Variants in LYPLAL1 observed in about 807,000 individuals in gnomAD.
LYPLAL1 encodes lysophospholipase like 1.
A neutral mutation model predicts 19.7 loss-of-function variants in LYPLAL1; 23 were observed. That is an observed-to-expected ratio of 1.17 (90% confidence interval 0.84 to 1.65). LYPLAL1 has a LOEUF of 1.65. Ranked by LOEUF, LYPLAL1 falls within the 40% of genes most tolerant of loss-of-function variation. The probability of loss-of-function intolerance (pLI) is 0.00; values close to 1 mark genes in which losing one functional copy is unlikely to be tolerated. For missense variants in LYPLAL1, 355 were observed against 279.4 expected (o/e 1.27, Z -1.93); for synonymous variants, 119 against 96.3 (o/e 1.24, Z -1.38).
chr1:219,393,429 C>CTGTAA, the LYPLAL1 span, among the ~76,000 whole-genome samples: 1 of 152,110 alleles, frequency 6.6e-6, no homozygotes. Context: ...CCTTCATAGC[C>CTGTAA]ACCCTGGATG....
the LYPLAL1 span, among the ~76,000 whole-genome samples, chr1:219,242,781 ATATT>A: frequency 6.6e-6 from 1 of 151,900 alleles, no homozygotes; most frequent in African/African-American, 2.4e-5. Context: ...ATCTCAGATG[ATATT>A]TATAAGATAT....
chr1:219,264,240 G>C, the LYPLAL1 span, among the ~76,000 whole-genome samples: 2 of 152,144 alleles, frequency 1.3e-5, no homozygotes, highest in Admixed American at 1.3e-4. Context: ...AGTGGTATCA[G>C]AGAAAGAAAG....
chr1:219,214,170 T>G (rs1285755101), downstream of LYPLAL1, among the ~76,000 whole-genome samples: 1 of 152,200 alleles, frequency 6.6e-6, no homozygotes, highest in African/African-American at 2.4e-5. Flanking sequence ...TTCAGTCTGT[T>G]ACTGTGGTGC....
At chr1:219,304,932 A>C in the LYPLAL1 span, among the ~76,000 whole-genome samples, 4 of 152,360 alleles carry the variant, frequency 2.6e-5, no homozygotes, top group East Asian at 7.7e-4. Context: ...AGGTTTCAAA[A>C]ATTCCAGTGT....
chr1:219,423,853 C>G, the LYPLAL1 span, among the ~76,000 whole-genome samples: 1 of 151,872 alleles, frequency 6.6e-6, no homozygotes, highest in African/African-American at 2.4e-5. Context: ...CTTTTTCTCT[C>G]TCCCTTCTGG....
At chr1:219,276,863 T>C in the LYPLAL1 span, among the ~76,000 whole-genome samples, 1 of 152,150 alleles carries the variant, frequency 6.6e-6, no homozygotes, top group Non-Finnish European at 1.5e-5. Context: ...AGCTCGGGTA[T>C]AGAAATTGAG....
the LYPLAL1 span, among the ~76,000 whole-genome samples, chr1:219,308,366 A>G: frequency 6.6e-6 from 1 of 152,226 alleles, no homozygotes; most frequent in African/African-American, 2.4e-5. Context: ...ATGAGAAGAA[A>G]TTCAAGCTGG....
At chr1:219,252,121 T>C in the LYPLAL1 span, among the ~76,000 whole-genome samples, 1 of 152,204 alleles carries the variant, frequency 6.6e-6, no homozygotes, top group Admixed American at 6.6e-5. Flanking sequence ...TACTGATTTT[T>C]GCATATTGAT....
chr1:219,308,681 G>T, the LYPLAL1 span, among the ~76,000 whole-genome samples: 2 of 152,322 alleles, frequency 1.3e-5, no homozygotes, highest in African/African-American at 4.8e-5. Context: ...TTTTGAGCCT[G>T]CAGGTGAACA....
chr1:219,321,840 G>A, the LYPLAL1 span, among the ~76,000 whole-genome samples: 1 of 152,114 alleles, frequency 6.6e-6, no homozygotes, highest in Non-Finnish European at 1.5e-5. Flanking sequence ...AAGTAAGAGT[G>A]ACAGAACGGC....
chr1:219,286,497 C>T, the LYPLAL1 span, among the ~76,000 whole-genome samples: 1 of 152,096 alleles, frequency 6.6e-6, no homozygotes. Flanking sequence ...AATAAAGATG[C>T]TTTCCTTTAA....
chr1:219,307,710 A>G, the LYPLAL1 span, among the ~76,000 whole-genome samples: 4 of 152,274 alleles, frequency 2.6e-5, 1 homozygote, highest in East Asian at 7.7e-4. Context: ...GAGGGACACA[A>G]TGGGAGATAG....
the LYPLAL1 span, among the ~76,000 whole-genome samples, chr1:219,436,858 C>T: frequency 6.6e-6 from 1 of 152,188 alleles, no homozygotes; most frequent in Non-Finnish European, 1.5e-5. Context: ...GTCAAAACAA[C>T]ATCTTGCAAC....
At chr1:219,190,887 G>C (rs556188902) in intron 2 of LYPLAL1, among the ~76,000 whole-genome samples, 1 of 151,648 alleles carries the variant, frequency 6.6e-6, no homozygotes, top group African/African-American at 2.4e-5. Context: ...GCTTGGGAAG[G>C]TTACGGGAGT....
At chr1:219,294,938 C>T in the LYPLAL1 span, among the ~76,000 whole-genome samples, 1 of 152,110 alleles carries the variant, frequency 6.6e-6, no homozygotes, top group Non-Finnish European at 1.5e-5. Context: ...TGTATCTCAC[C>T]TCAATCTCTA....
At chr1:219,352,185 T>C in the LYPLAL1 span, among the ~76,000 whole-genome samples, 1 of 152,230 alleles carries the variant, frequency 6.6e-6, no homozygotes, top group African/African-American at 2.4e-5. Flanking sequence ...CTTAGCTCAG[T>C]GACTTCACCT....
intron 1 of LYPLAL1, among the ~76,000 whole-genome samples, chr1:219,177,172 A>G (rs748970470): frequency 1.1e-4 from 17 of 152,290 alleles, no homozygotes; most frequent in Admixed American, 4.6e-4. Context: ...GGTCCTTGAC[A>G]TGTTCAAGGA....
chr1:219,263,104 G>A, the LYPLAL1 span, among the ~76,000 whole-genome samples: 1 of 152,148 alleles, frequency 6.6e-6, no homozygotes, highest in Non-Finnish European at 1.5e-5. Flanking sequence ...TGTGTTTTGT[G>A]TTTGGCTACC....
the LYPLAL1 span, among the ~76,000 whole-genome samples, chr1:219,413,562 C>A: frequency 6.6e-6 from 1 of 152,150 alleles, no homozygotes; most frequent in African/African-American, 2.4e-5. Context: ...AGAAAAGTTA[C>A]CCCCCAAAGA....
Sources: allele counts gnomAD v4.1 joint callset (sites outside exome capture counted in the v4.1 genomes callset), GRCh38; gene constraint gnomAD v4.1.1; transcripts MANE v1.5; gene names NCBI Gene and HGNC (gene_info 2026-07-23, HGNC 2026-07-21).